Variants in CIB1 observed in about 807,000 individuals in gnomAD.
CIB1 encodes calcium and integrin binding 1, also known as calcium and integrin-binding protein 1.
CIB1 carries 19 observed loss-of-function variants against 25.0 expected under a neutral mutation model. The observed-to-expected ratio is 0.76, with a 90% CI of 0.53 to 1.12. CIB1 has a LOEUF of 1.12. Among genes scored for constraint, CIB1 ranks in the 50% most tolerant of loss-of-function variants. The probability of loss-of-function intolerance (pLI) is 0.00; values close to 1 mark genes in which losing one functional copy is unlikely to be tolerated. For synonymous variants in CIB1, 104 were observed against 98.5 expected (o/e 1.06, Z -0.33); for missense variants, 236 against 242.6 (o/e 0.97, Z 0.18).
the CIB1 span, chr15:90,263,553 G>A: frequency 1.8e-6 from 1 of 549,968 alleles, no homozygotes; most frequent in South Asian, 2.7e-5. Flanking sequence ...CAAAAGAGCT[G>A]CCGCTTTCAC....
chr15:90,255,165 C>T, the CIB1 span, among the ~76,000 whole-genome samples: 1 of 152,240 alleles, frequency 6.6e-6, no homozygotes, highest in Non-Finnish European at 1.5e-5. Context: ...TCCTGGGTCT[C>T]TGGAATTACC....
At chr15:90,261,988 T>G in the CIB1 span, 1 of 1,522,854 alleles carries the variant, frequency 6.6e-7, no homozygotes, top group Non-Finnish European at 8.8e-7. Flanking sequence ...CTTGACTCAC[T>G]GAGCTTGCTT....
At chr15:90,257,455 C>T in the CIB1 span, among the ~76,000 whole-genome samples, 1 of 152,122 alleles carries the variant, frequency 6.6e-6, no homozygotes, top group African/African-American at 2.4e-5. Flanking sequence ...GAGAAAAGGT[C>T]AGCACCCGGA....
the CIB1 span, chr15:90,251,610 G>C: frequency 1.2e-6 from 2 of 1,612,972 alleles, no homozygotes; most frequent in African/African-American, 2.7e-5. Context: ...CACCCAGCCC[G>C]TCGCTCACAC....
chr15:90,255,880 C>T, the CIB1 span: 33 of 1,614,034 alleles, frequency 2.0e-5, 1 homozygote, highest in Middle Eastern at 3.3e-4. Flanking sequence ...GGTGCCTCCC[C>T]GCAGAGTGAG....
At chr15:90,241,170 C>T in the CIB1 span, 4 of 1,614,110 alleles carry the variant, frequency 2.5e-6, no homozygotes, top group South Asian at 3.3e-5. Flanking sequence ...GACCCAAATC[C>T]TCCCTGGTGC....
At chr15:90,239,882 A>G in the CIB1 span, among the ~76,000 whole-genome samples, 1 of 152,152 alleles carries the variant, frequency 6.6e-6, no homozygotes, top group Non-Finnish European at 1.5e-5. Context: ...ACATGTATGC[A>G]CCACTGCACT....
At chr15:90,243,678 G>C in the CIB1 span, 1 of 125,428 alleles carries the variant, frequency 8.0e-6, no homozygotes, top group African/African-American at 3.2e-5. Context: ...TTTGACACAG[G>C]GTCACTGTCA....
At chr15:90,250,608 G>A in the CIB1 span, 33 of 1,606,396 alleles carry the variant, frequency 2.1e-5, no homozygotes, top group East Asian at 6.7e-5. Context: ...TTCCCACCCC[G>A]CAACCCCTCA....
chr15:90,262,886 A>C, the CIB1 span: 2 of 1,425,468 alleles, frequency 1.4e-6, no homozygotes, highest in East Asian at 2.5e-5. Flanking sequence ...TAGAGTGGGC[A>C]GGAGGCCTGT....
chr15:90,263,078 T>G, the CIB1 span: 1 of 1,536,070 alleles, frequency 6.5e-7, no homozygotes. Flanking sequence ...AGCCTGGGTA[T>G]TGTAGAGCAG....
upstream of CIB1, among the ~76,000 whole-genome samples, chr15:90,235,281 C>T (rs1406333165): frequency 1.3e-5 from 2 of 152,152 alleles, no homozygotes; most frequent in Non-Finnish European, 1.5e-5. Context: ...TAGAAATATT[C>T]AAGGCCAGGC....
At chr15:90,259,534 G>A in the CIB1 span, among the ~76,000 whole-genome samples, 4 of 152,050 alleles carry the variant, frequency 2.6e-5, no homozygotes, top group Admixed American at 6.6e-5. Flanking sequence ...TATATAGTAC[G>A]CATTTAATAT....
chr15:90,231,617 G>C (rs990248428), intron 3 of CIB1, 110 bp from the exon 4 acceptor site: 13 of 1,295,202 alleles, frequency 1.0e-5, no homozygotes, highest in Middle Eastern at 2.6e-4. Context: ...TCAGCCTCGT[G>C]GGGGTGAACA....
upstream of CIB1, chr15:90,233,978 G>A: frequency 2.2e-6 from 3 of 1,349,490 alleles, no homozygotes; most frequent in Non-Finnish European, 2.9e-6. Flanking sequence ...CCCGGTCCCC[G>A]CGGCAACCGC....
chr15:90,256,238 C>T, the CIB1 span: 33 of 1,614,130 alleles, frequency 2.0e-5, no homozygotes, highest in South Asian at 5.5e-5. Context: ...CTTCATTACC[C>T]GAAATCCCCG....
At chr15:90,241,691 G>C in the CIB1 span, 1 of 1,614,194 alleles carries the variant, frequency 6.2e-7, no homozygotes, top group Non-Finnish European at 8.5e-7. Flanking sequence ...ACACTCGTGG[G>C]CCAGGGCCTG....
chr15:90,232,067 G>C, intron 3 of CIB1, 152 bp downstream of exon 3: 1 of 617,608 alleles, frequency 1.6e-6, no homozygotes, highest in Non-Finnish European at 2.8e-6. Context: ...TTTTGGTAAA[G>C]TCCTTGCCCC....
At chr15:90,254,707 C>T in the CIB1 span, among the ~76,000 whole-genome samples, 4 of 151,494 alleles carry the variant, frequency 2.6e-5, no homozygotes, top group South Asian at 2.1e-4. Flanking sequence ...ATTAGCCAGG[C>T]GTAGTGGTGC....
Sources: allele counts gnomAD v4.1 joint callset (sites outside exome capture counted in the v4.1 genomes callset), GRCh38; gene constraint gnomAD v4.1.1; transcripts MANE v1.5; gene names NCBI Gene and HGNC (gene_info 2026-07-23, HGNC 2026-07-21).